Variants in RBPMS observed in about 807,000 individuals in gnomAD.
RBPMS encodes the protein RNA binding protein, mRNA processing factor.
Under a neutral mutation model 26.8 loss-of-function variants are expected in RBPMS, and 7 were observed. The observed-to-expected ratio is 0.26, with a 90% confidence interval of 0.15 to 0.49. RBPMS has a LOEUF of 0.49. Ranked by LOEUF, RBPMS falls within the 20% of genes least tolerant of loss-of-function variation. The probability of loss-of-function intolerance (pLI) is 0.98; values close to 1 mark genes in which losing one functional copy is unlikely to be tolerated. For missense variants in RBPMS, 186 were observed against 250.0 expected (o/e 0.74, Z 1.73); for synonymous variants, 96 against 93.3 (o/e 1.03, Z -0.17).
chr8:30,509,256 C>T (rs1821349962), intron 5 of RBPMS, among the ~76,000 whole-genome samples: 1 of 152,158 alleles, frequency 6.6e-6, no homozygotes, highest in Non-Finnish European at 1.5e-5. Context: ...TTCCTCCCTT[C>T]TTCCCTCCTC....
chr8:30,497,155 C>CA (rs375867784), intron 4 of RBPMS, among the ~76,000 whole-genome samples: 8 of 151,860 alleles, frequency 5.3e-5, no homozygotes, highest in Admixed American at 3.3e-4. Context: ...TCTAAAAAGG[C>CA]AAAAAAAATT....
In RBPMS at chr8:30,544,808, A is replaced by G. The variant is rs907857562; in HGVS notation, c.528+184A>G. On this transcript the variant is annotated intron_variant, in intron 6 of 8. Transcript: ENST00000397323. Reference sequence around the variant, plus strand: ...GACTGACGAGGATCGTCTGACAGCAATGATATCACCCACTGCCTGATGTTT... The same window carrying G: ...GACTGACGAGGATCGTCTGACAGCAGTGATATCACCCACTGCCTGATGTTT... 35 of 1,558,068 alleles carry G rather than the reference A, an allele frequency of 2.2e-5. No homozygotes were observed. In the African/African-American group the frequency reaches 3.6e-4, roughly 16 times the overall value.
intron 1 of RBPMS, among the ~76,000 whole-genome samples, chr8:30,464,171 G>A (rs1254266655): frequency 2.6e-5 from 4 of 152,024 alleles, no homozygotes; most frequent in South Asian, 2.1e-4. Flanking sequence ...TCATATTTAC[G>A]TGTTCATATC....
chr8:30,407,738 TAGCTATCCACC>T (rs1250120274), intron 1 of RBPMS, among the ~76,000 whole-genome samples: 1 of 56,338 alleles, frequency 1.8e-5, no homozygotes, highest in Non-Finnish European at 3.5e-5. Flanking sequence ...TGCTGTGGGG[TAGCTATCCACC>T]ACTGCTCCTC....
At chr8:30,427,996 C>T (rs931483645) in intron 1 of RBPMS, among the ~76,000 whole-genome samples, 6 of 147,642 alleles carry the variant, frequency 4.1e-5, no homozygotes, top group African/African-American at 1.5e-4. Context: ...TGAGACCAGC[C>T]TTGGCAACAA....
Position 30,571,608 on chromosome 8 carries a change from T to C in RBPMS, c.*1083T>C, listed in dbSNP as rs968293071. Reference sequence around the variant, plus strand: ...GCTGAACTGAGCTGGTGTTGCCAACTCTTGGCAGCACTGGGCCAAACCGAC... The same window carrying C: ...GCTGAACTGAGCTGGTGTTGCCAACCCTTGGCAGCACTGGGCCAAACCGAC... On this transcript the variant is annotated 3_prime_UTR_variant, in exon 9 of 9. Transcript: ENST00000397323. 4 of 152,296 alleles carry C rather than the reference T, an allele frequency of 2.6e-5. No individual in the cohort carries two copies. The highest frequency in any genetic ancestry group is 9.6e-5 in the African/African-American group (4 of 41,470). 9.4% of individuals were successfully genotyped at this position (152,296 alleles called of 1,614,324 possible).
intron 1 of RBPMS, among the ~76,000 whole-genome samples, chr8:30,432,109 G>C (rs769374624): frequency 2.0e-5 from 3 of 152,130 alleles, no homozygotes; most frequent in Non-Finnish European, 2.9e-5. Flanking sequence ...CTGGACAACA[G>C]AGTGAGACCC....
rs1828223167 is a variant in RBPMS, at chr8:30,570,855, A to G, written c.*330A>G. 6.6e-6 allele frequency: 1 copy of G among 152,406 alleles called. No homozygotes were observed. The highest frequency in any genetic ancestry group is 2.1e-4 in the South Asian group (1 of 4,836). The allele number at this position is 152,406 out of a possible 1,614,324, so 9.4% of individuals were successfully genotyped here. On this transcript the variant is annotated 3_prime_UTR_variant, in exon 9 of 9. Transcript: ENST00000397323. ...AAACGAAACGTAAGAGAAGTCAACA[A>G]TAAAACCAAGAAAAGTGAGTATTTT...
intron 1 of RBPMS, among the ~76,000 whole-genome samples, chr8:30,454,586 A>T (rs1814981586): frequency 6.6e-6 from 1 of 152,226 alleles, no homozygotes; most frequent in African/African-American, 2.4e-5. Flanking sequence ...TAGTTTATGT[A>T]CCATCCTCTT....
chr8:30,569,045 G>A (rs1828089628), intron 8 of RBPMS, among the ~76,000 whole-genome samples: 1 of 151,782 alleles, frequency 6.6e-6, no homozygotes, highest in African/African-American at 2.4e-5. Context: ...GAAGCTGCGT[G>A]GTTCATTACC....
intron 7 of RBPMS, among the ~76,000 whole-genome samples, chr8:30,563,553 C>T (rs920249723): frequency 5.3e-5 from 8 of 152,140 alleles, no homozygotes; most frequent in African/African-American, 1.4e-4. Flanking sequence ...GGCCATGGAC[C>T]GGGACCAGAG....
chr8:30,534,023 A>C lies in RBPMS; in HGVS notation c.398-10471A>C, dbSNP rs184447500. Among the ~76,000 whole-genome samples the C allele has an allele frequency of 7.9e-4, 120 of 151,924 alleles. 1 individual carries two copies. Among genetic ancestry groups the C allele is most frequent in the African/African-American group, 2.4e-3 (99 of 41,416 alleles). On this transcript the variant is annotated intron_variant, in intron 5 of 8. Coordinates refer to ENST00000397323, the MANE Select transcript of RBPMS (RefSeq NM_001008710.3). Reference sequence around the variant, plus strand: ...GTGGTGGGCGCCTGTAATCCCAGCTACTCGGGATGCTGAGGCAGGAAAATT... The same window carrying C: ...GTGGTGGGCGCCTGTAATCCCAGCTCCTCGGGATGCTGAGGCAGGAAAATT...
chr8:30,453,816 T>C (rs918184274), intron 1 of RBPMS: 2 of 152,212 alleles, frequency 1.3e-5, no homozygotes, highest in African/African-American at 2.4e-5. Context: ...GTAGGTACAA[T>C]TGAATGTTAT....
chr8:30,514,401 TG>T (rs1202147292), intron 5 of RBPMS, among the ~76,000 whole-genome samples: 1 of 152,172 alleles, frequency 6.6e-6, no homozygotes, highest in Non-Finnish European at 1.5e-5. Context: ...CTTGAAAAAT[TG>T]TGAGATGTGC....
intron 1 of RBPMS, among the ~76,000 whole-genome samples, chr8:30,443,818 A>G (rs1290174486): frequency 2.0e-5 from 3 of 151,936 alleles, no homozygotes; most frequent in African/African-American, 7.3e-5. Flanking sequence ...GATGGTCTCC[A>G]TCTCTTGACC....
At chr8:30,480,697 G>A (rs1303353424) in intron 4 of RBPMS, among the ~76,000 whole-genome samples, 1 of 152,166 alleles carries the variant, frequency 6.6e-6, no homozygotes, top group Non-Finnish European at 1.5e-5. Flanking sequence ...CCGAAGCACG[G>A]TGTATAATTG....
At chr8:30,410,193 T>TACACAC (rs1809187730) in intron 1 of RBPMS, among the ~76,000 whole-genome samples, 2 of 104,560 alleles carry the variant, frequency 1.9e-5, no homozygotes, top group Non-Finnish European at 4.6e-5. Flanking sequence ...CACACACACT[T>TACACAC]AACTGCTACT....
chr8:30,414,469 A>G (rs1406387048), intron 1 of RBPMS, among the ~76,000 whole-genome samples: 1 of 152,198 alleles, frequency 6.6e-6, no homozygotes, highest in Non-Finnish European at 1.5e-5. Context: ...TCACTGGGCC[A>G]TCTGTGTATG....
intron 7 of RBPMS, chr8:30,565,044 C>T (rs888654177): frequency 4.6e-5 from 7 of 152,188 alleles, no homozygotes; most frequent in East Asian, 1.9e-4. Flanking sequence ...CTGGGTGGCT[C>T]GTGCTCTCCC....
Sources: allele counts gnomAD v4.1 joint callset (sites outside exome capture counted in the v4.1 genomes callset), GRCh38; gene constraint gnomAD v4.1.1; transcripts MANE v1.5; gene names NCBI Gene and HGNC (gene_info 2026-07-23, HGNC 2026-07-21).